Variants in PDC observed in about 807,000 individuals in gnomAD.
PDC encodes 33 kDa phototransducing protein.
In PDC, 19 loss-of-function variants were observed where a neutral mutation model predicts 22.2. The ratio of observed to expected loss-of-function variants is 0.86; its 90% CI spans 0.60 to 1.26. PDC has a LOEUF of 1.26. PDC is among the 50% of genes most tolerant of loss of function. PDC has a pLI of 0.00. For synonymous variants in PDC, 97 were observed against 96.2 expected (o/e 1.01, Z -0.05); for missense variants, 274 against 286.8 (o/e 0.96, Z 0.32).
Position 186,447,005 on chromosome 1 carries a change from T to A in PDC, c.62-428A>T, listed in dbSNP as rs554094792. ...AACTGGGAATGTTGGGGAAACAAAA[T>A]AACAATAGTATATAAAAAACAACTG... On this transcript the variant is annotated intron_variant, in intron 2 of 3. Coordinates refer to ENST00000391997, the MANE Select transcript of PDC (RefSeq NM_002597.5). 2.0e-5 allele frequency among the ~76,000 whole-genome samples: 3 copies of A among 152,056 alleles called. No homozygotes were observed. The East Asian group carries it at 5.8e-4, about 29-fold the overall frequency.
intron 1 of PDC, among the ~76,000 whole-genome samples, chr1:186,455,994 AATATATATATATAT>A (rs71104863): frequency 0.018 from 1,413 of 77,004 alleles, 73 homozygotes; most frequent in African/African-American, 0.037. Context: ...AAAAAAAAAA[AATATATATATATAT>A]ATATATATAT....
intron 2 of PDC, among the ~76,000 whole-genome samples, chr1:186,448,243 A>C (rs1662276276): frequency 6.6e-6 from 1 of 152,142 alleles, no homozygotes; most frequent in South Asian, 2.1e-4. Flanking sequence ...GATTGTACCA[A>C]TTTACACTGC....
rs1167385187 is a variant in PDC, at chr1:186,448,713, C to T, written c.61+686G>A. On this transcript the variant is annotated intron_variant, in intron 2 of 3. Transcript: ENST00000391997. ...CTCACATTGCTATTATAAAATAAATCTCCACACATTTTGGCTGGTACTCTT... is the reference window on the plus strand; with the variant it reads ...CTCACATTGCTATTATAAAATAAATTTCCACACATTTTGGCTGGTACTCTT... 5.3e-6 allele frequency: 5 copies of T among 947,182 alleles called. 1 individual carries two copies. Among genetic ancestry groups the T allele is most frequent in the South Asian group, 9.8e-5 (2 of 20,506 alleles). The allele number at this position is 947,182 out of a possible 1,614,324, so 58.7% of individuals were successfully genotyped here.
At chr1:186,445,503 T>A (rs1212758049) in intron 3 of PDC, among the ~76,000 whole-genome samples, 1 of 152,186 alleles carries the variant, frequency 6.6e-6, no homozygotes, top group Non-Finnish European at 1.5e-5. Context: ...CTTTTCCTTA[T>A]CATATTTTTT....
At chr1:186,453,369 C>A (rs913282506) in intron 1 of PDC, among the ~76,000 whole-genome samples, 4 of 152,142 alleles carry the variant, frequency 2.6e-5, no homozygotes, top group African/African-American at 9.7e-5. Context: ...AACAAATCTA[C>A]CCCTAAACAT....
chr1:186,452,902 T>A lies in PDC; in HGVS notation c.-24-3419A>T, dbSNP rs1330134378. The stretch of plus-strand genomic sequence containing the variant: ...TGAATTATTTTCCACATCACATAAT[T>A]ATGAAAATCTGTGATTTTGTACTTT... On this transcript the variant is annotated intron_variant, in intron 1 of 3. Transcript: ENST00000391997. Among the ~76,000 whole-genome samples the A allele has an allele frequency of 2.6e-5, 4 of 152,206 alleles. No individual in the cohort carries two copies. The East Asian group carries it at 5.8e-4, about 22-fold the overall frequency.
In PDC at chr1:186,455,590, A is replaced by AT. The variant is rs550666802; in HGVS notation, c.-25+5468dup. Among the ~76,000 whole-genome samples, 24 of 151,098 alleles carry AT rather than the reference A, an allele frequency of 1.6e-4. No individual in the cohort carries two copies. In the East Asian group the frequency reaches 3.3e-3, roughly 21 times the overall value. On this transcript the variant is annotated intron_variant, in intron 1 of 3. Coordinates refer to ENST00000391997, the MANE Select transcript of PDC (RefSeq NM_002597.5). ...AGGCATACCTAAAATTAACTCTTTC[A>AT]TTTTTTTTGACTATTCACTAGTTCT...
At chr1:186,456,978 C>T (rs1259347898) in intron 1 of PDC, among the ~76,000 whole-genome samples, 4 of 152,200 alleles carry the variant, frequency 2.6e-5, no homozygotes, top group Non-Finnish European at 5.9e-5. Context: ...TAGAAATCTA[C>T]ATTTGGTATC....
At chr1:186,449,772 A>G (rs927206960) in intron 1 of PDC, among the ~76,000 whole-genome samples, 3 of 152,194 alleles carry the variant, frequency 2.0e-5, no homozygotes, top group African/African-American at 7.2e-5. Flanking sequence ...CTTCCAGTTA[A>G]GTCTATGTGG....
At chr1:186,453,349 CT>C (rs1259266729) in intron 1 of PDC, among the ~76,000 whole-genome samples, 1 of 152,096 alleles carries the variant, frequency 6.6e-6, no homozygotes, top group East Asian at 1.9e-4. Context: ...TTAAAAGACT[CT>C]TTTAAAAAAA....
chr1:186,443,665 G>A lies in PDC; in HGVS notation c.*314C>T, dbSNP rs1277033563. ...AATTTGAAAAGTCCAAATAATAACAGTGATGAGGGAAAATGGAGTAAAAAA... is the reference window on the plus strand; with the variant it reads ...AATTTGAAAAGTCCAAATAATAACAATGATGAGGGAAAATGGAGTAAAAAA... On this transcript the variant is annotated 3_prime_UTR_variant, in exon 4 of 4. Transcript: ENST00000391997. 4.5e-6 allele frequency: 1 copy of A among 221,580 alleles called. No homozygotes were observed. The highest frequency in any genetic ancestry group is 5.2e-5 in the Admixed American group (1 of 19,194). 13.7% of individuals were successfully genotyped at this position (221,580 alleles called of 1,614,324 possible).
chr1:186,446,536 CT>C lies in PDC; in HGVS notation c.102del (p.Glu35ArgfsTer38). On this transcript the variant is annotated frameshift_variant, in exon 3 of 4. Coordinates refer to ENST00000391997, the MANE Select transcript of PDC (RefSeq NM_002597.5). LOFTEE classifies it high-confidence loss of function. ...GGAATTGAATCACTGTCTTGACTCTCTAATTTAAACTTTCTCCAATCATTTA... is the reference window on the plus strand; with the variant it reads ...GGAATTGAATCACTGTCTTGACTCTCAATTTAAACTTTCTCCAATCATTTA... ...GVINDWRKFK[L>X]ESQDSDSIPP... is the part of the protein sequence containing the mutation. 2.5e-6 allele frequency: 4 copies of C among 1,591,312 alleles called. No homozygotes were observed. The East Asian group carries it at 9.0e-5, about 36-fold the overall frequency.
chr1:186,445,217 G>A (rs1284086363), intron 3 of PDC, among the ~76,000 whole-genome samples: 1 of 152,180 alleles, frequency 6.6e-6, no homozygotes, highest in Admixed American at 6.5e-5. Context: ...GGGGCATAGT[G>A]TGATTAATAG....
chr1:186,451,887 G>A (rs1662360573), intron 1 of PDC: 1 of 152,196 alleles, frequency 6.6e-6, no homozygotes, highest in African/African-American at 2.4e-5. Flanking sequence ...CCAGTATGGT[G>A]CTCACTAATA....
chr1:186,455,476 G>A (rs1374649585), intron 1 of PDC, among the ~76,000 whole-genome samples: 1 of 152,054 alleles, frequency 6.6e-6, no homozygotes, highest in African/African-American at 2.4e-5. Flanking sequence ...TATCTCCATA[G>A]CCTGCCTTTT....
At chr1:186,446,229 C>T (rs1177396187) in intron 3 of PDC, among the ~76,000 whole-genome samples, 197 bp downstream of exon 3, 5 of 152,144 alleles carry the variant, frequency 3.3e-5, no homozygotes, top group African/African-American at 4.8e-5. Context: ...GTATTCGTAA[C>T]GAATTCTTTT....
chr1:186,450,259 A>G (rs1380545995), intron 1 of PDC, among the ~76,000 whole-genome samples: 1 of 152,198 alleles, frequency 6.6e-6, no homozygotes, highest in Non-Finnish European at 1.5e-5. Context: ...TCTCCATACC[A>G]TGGGACAAGT....
chr1:186,457,184 T>A (rs1662489056), intron 1 of PDC, among the ~76,000 whole-genome samples: 1 of 152,214 alleles, frequency 6.6e-6, no homozygotes, highest in Non-Finnish European at 1.5e-5. Flanking sequence ...TATGAAGTGT[T>A]TTAACCCCTT....
chr1:186,448,635 T>C, intron 2 of PDC: 1 of 881,208 alleles, frequency 1.1e-6, no homozygotes, highest in Non-Finnish European at 1.4e-6. Flanking sequence ...AACCTTTTCT[T>C]CAATGGTCTT....
Sources: gnomAD v4.1 joint callset for allele counts (sites outside exome capture counted in the v4.1 genomes callset) on GRCh38, gnomAD v4.1.1 for gene constraint, MANE v1.5 for transcripts, NCBI Gene and HGNC (gene_info 2026-07-23, HGNC 2026-07-21) for gene names.